Variants in PDGFC observed in about 807,000 individuals in gnomAD.
The protein encoded by PDGFC is platelet derived growth factor C.
Under a neutral mutation model 35.5 loss-of-function variants are expected in PDGFC, and 12 were observed. The ratio of observed to expected loss-of-function variants is 0.34; its 90% confidence interval spans 0.22 to 0.55. PDGFC has a LOEUF of 0.55. PDGFC is among the 20% of genes least tolerant of loss of function. The pLI, the probability that PDGFC is intolerant of heterozygous loss-of-function variation, is 0.91. For synonymous variants in PDGFC, 159 were observed against 148.8 expected, an observed-to-expected ratio of 1.07 and a Z score of -0.50; for missense variants, 322 against 412.4, an observed-to-expected ratio of 0.78 and a Z score of 1.90.
At chr4:156,944,818 G>A (rs958522375) in intron 1 of PDGFC, among the ~76,000 whole-genome samples, 9 of 151,988 alleles carry the variant, frequency 5.9e-5, no homozygotes, top group Admixed American at 2.6e-4. Flanking sequence ...ATTCTCACTC[G>A]GCAGAAATAA....
At chr4:156,968,112 A>G (rs919684151) in intron 1 of PDGFC, among the ~76,000 whole-genome samples, 2 of 152,186 alleles carry the variant, frequency 1.3e-5, no homozygotes, top group African/African-American at 4.8e-5. Context: ...AGCATTGGCT[A>G]CAGCAATCAA....
rs1732575977 is a variant in PDGFC, at chr4:156,970,849, CCT to C, written c.53_54del (p.Gln18ArgfsTer10). ...CTCAGGTTGGATTCCGCCTGAGTCC[CCT>C]GTCTCTGGCCGGCCAGGGCAGATGT... The part of the protein sequence containing the change: ...LLTSALAGQR[Q>X]GTQAESNLSS... On this transcript the variant is annotated frameshift_variant, in exon 1 of 6. Coordinates refer to ENST00000502773, the MANE Select transcript of PDGFC (RefSeq NM_016205.3). LOFTEE classifies it high-confidence loss of function. 6.2e-7 allele frequency: 1 copy of C among 1,613,968 alleles called. No homozygotes were observed.
chr4:156,787,558 G>A (rs1051694834), intron 3 of PDGFC, among the ~76,000 whole-genome samples: 2 of 152,134 alleles, frequency 1.3e-5, no homozygotes, highest in African/African-American at 4.8e-5. Context: ...ATGACGATGT[G>A]GGATCAGGAG....
At chr4:156,960,199 T>A (rs1732308370) in intron 1 of PDGFC, among the ~76,000 whole-genome samples, 1 of 149,810 alleles carries the variant, frequency 6.7e-6, no homozygotes, top group South Asian at 2.1e-4. Context: ...TTGACCATAG[T>A]GACTAACACA....
intron 2 of PDGFC, among the ~76,000 whole-genome samples, chr4:156,814,461 G>A (rs1288212680): frequency 6.6e-6 from 1 of 152,066 alleles, no homozygotes; most frequent in Non-Finnish European, 1.5e-5. Context: ...GCCAAAGAAA[G>A]ATCAAAGAGG....
At chr4:156,832,491 G>A (rs562694384) in intron 2 of PDGFC, among the ~76,000 whole-genome samples, 12 of 151,976 alleles carry the variant, frequency 7.9e-5, no homozygotes, top group Non-Finnish European at 1.2e-4. Flanking sequence ...TCCTGACCTC[G>A]TGATCCACCC....
intron 2 of PDGFC, among the ~76,000 whole-genome samples, chr4:156,822,349 A>ACT (rs199528881): frequency 0.063 from 8,000 of 126,014 alleles, 840 homozygotes; most frequent in African/African-American, 0.25. Flanking sequence ...ACGGAGTGAA[A>ACT]CTGTCTCAAA....
intron 1 of PDGFC, among the ~76,000 whole-genome samples, chr4:156,953,955 T>C (rs1165834822): frequency 6.6e-6 from 1 of 152,036 alleles, no homozygotes; most frequent in East Asian, 1.9e-4. Flanking sequence ...AATATGAATA[T>C]AAATTAAGAC....
intron 1 of PDGFC, among the ~76,000 whole-genome samples, chr4:156,862,996 G>A (rs1729752724): frequency 6.6e-6 from 1 of 151,948 alleles, no homozygotes; most frequent in South Asian, 2.1e-4. Context: ...ACCGGCCTAT[G>A]TATCTCTTTA....
chr4:156,880,119 A>G (rs1157473125), intron 1 of PDGFC, among the ~76,000 whole-genome samples: 1 of 152,204 alleles, frequency 6.6e-6, no homozygotes, highest in East Asian at 1.9e-4. Context: ...AGGTGGCTAC[A>G]CTAAACAACG....
chr4:156,916,731 C>G (rs1731163937), intron 1 of PDGFC, among the ~76,000 whole-genome samples: 1 of 152,194 alleles, frequency 6.6e-6, no homozygotes, highest in South Asian at 2.1e-4. Flanking sequence ...AATAGGACTG[C>G]ACTTAGCTAC....
chr4:156,817,828 G>A (rs1732135395), intron 2 of PDGFC, among the ~76,000 whole-genome samples: 1 of 151,964 alleles, frequency 6.6e-6, no homozygotes, highest in Admixed American at 6.6e-5. Context: ...GGAGGCCAAG[G>A]TGGGCAGATC....
intron 1 of PDGFC, among the ~76,000 whole-genome samples, chr4:156,948,782 G>A (rs1343314690): frequency 6.6e-6 from 1 of 151,852 alleles, no homozygotes; most frequent in African/African-American, 2.4e-5. Context: ...AAATATTTAT[G>A]GGGGCATACA....
chr4:156,888,569 A>G (rs553876261), intron 1 of PDGFC, among the ~76,000 whole-genome samples: 47 of 152,286 alleles, frequency 3.1e-4, no homozygotes, highest in African/African-American at 1.1e-3. Context: ...GAAATCTCTC[A>G]GTTTAAAAAA....
At chr4:156,849,068 A>T (rs1729392528) in intron 2 of PDGFC, among the ~76,000 whole-genome samples, 1 of 152,006 alleles carries the variant, frequency 6.6e-6, no homozygotes, top group African/African-American at 2.4e-5. Flanking sequence ...TTTATATATA[A>T]AAAAAGACAA....
chr4:156,774,741 A>G (rs1730781284), intron 3 of PDGFC, among the ~76,000 whole-genome samples: 1 of 151,498 alleles, frequency 6.6e-6, no homozygotes, highest in South Asian at 2.1e-4. Flanking sequence ...GCACAGTGGA[A>G]TGACAATGTC....
At chr4:156,825,982 C>T (rs1732461482) in intron 2 of PDGFC, among the ~76,000 whole-genome samples, 2 of 151,710 alleles carry the variant, frequency 1.3e-5, no homozygotes, top group Non-Finnish European at 2.9e-5. Context: ...GATCCTCCTG[C>T]CTCAGCCTCC....
chr4:156,924,557 A>T (rs1388821201), intron 1 of PDGFC, among the ~76,000 whole-genome samples: 3 of 152,174 alleles, frequency 2.0e-5, no homozygotes, highest in Non-Finnish European at 4.4e-5. Context: ...CTTAATTTTT[A>T]TTCCCCCAGA....
At chr4:156,938,277 G>GAGCA (rs534743053) in intron 1 of PDGFC, among the ~76,000 whole-genome samples, 62 of 152,170 alleles carry the variant, frequency 4.1e-4, no homozygotes, top group Admixed American at 1.2e-3. Context: ...ATTCACTGTA[G>GAGCA]AGCAGATCCT....
Sources: allele counts gnomAD v4.1 joint callset (sites outside exome capture counted in the v4.1 genomes callset), GRCh38; gene constraint gnomAD v4.1.1; transcripts MANE v1.5; gene names NCBI Gene and HGNC (gene_info 2026-07-23, HGNC 2026-07-21).